PAPPA2: variants seen among roughly 807,000 people sequenced by gnomAD.
The protein encoded by PAPPA2 is pappalysin 2, also known as pappalysin-2.
A neutral mutation model predicts 176.4 loss-of-function variants in PAPPA2; 86 were observed. The observed-to-expected ratio is 0.49, with a 90% CI of 0.41 to 0.58. The LOEUF is 0.58. Ranked by LOEUF, PAPPA2 falls within the 20% of genes least tolerant of loss-of-function variation. The probability of loss-of-function intolerance (pLI) is 0.00; values close to 1 mark genes in which losing one functional copy is unlikely to be tolerated. For synonymous variants in PAPPA2, 809 were observed against 852.2 expected, an observed-to-expected ratio of 0.95 and a Z score of 0.88; for missense variants, 2,073 against 2,256.9, an observed-to-expected ratio of 0.92 and a Z score of 1.65.
At chr1:176,623,266 C>T (rs1290459993) in intron 3 of PAPPA2, among the ~76,000 whole-genome samples, 1 of 152,170 alleles carries the variant, frequency 6.6e-6, no homozygotes, top group Non-Finnish European at 1.5e-5. Context: ...TTCCCTTTCT[C>T]ATTCTGCTCT....
At chr1:176,697,204 G>T (rs1660427050) in intron 7 of PAPPA2, among the ~76,000 whole-genome samples, 1 of 152,060 alleles carries the variant, frequency 6.6e-6, no homozygotes, top group South Asian at 2.1e-4. Flanking sequence ...GTGTCTTAAG[G>T]CAAACCAAAT....
chr1:176,823,128 T>A (rs1666728294), intron 21 of PAPPA2, among the ~76,000 whole-genome samples: 1 of 152,208 alleles, frequency 6.6e-6, no homozygotes. Context: ...TTTTCCAGCC[T>A]CCTGAAACAT....
intron 3 of PAPPA2, among the ~76,000 whole-genome samples, chr1:176,609,300 T>G (rs1398007799): frequency 1.3e-5 from 2 of 152,244 alleles, no homozygotes; most frequent in Non-Finnish European, 2.9e-5. Flanking sequence ...GACACTGTTT[T>G]CAGCTTTGTA....
intron 1 of PAPPA2, among the ~76,000 whole-genome samples, chr1:176,497,307 G>T (rs946345564): frequency 6.6e-6 from 1 of 152,164 alleles, no homozygotes; most frequent in African/African-American, 2.4e-5. Context: ...TCTTCACAGT[G>T]TTCCTTAGTG....
chr1:176,503,749 G>A (rs1558405671), intron 1 of PAPPA2, among the ~76,000 whole-genome samples: 2 of 152,260 alleles, frequency 1.3e-5, no homozygotes, highest in Admixed American at 1.3e-4. Context: ...CAGAGGATTG[G>A]CTCTTGCCAT....
intron 4 of PAPPA2, among the ~76,000 whole-genome samples, chr1:176,687,744 CT>C (rs570411577): frequency 4.3e-4 from 63 of 148,148 alleles, no homozygotes; most frequent in African/African-American, 1.1e-3. Flanking sequence ...TTGATTGGAA[CT>C]TTTTTTTTTT....
At chr1:176,716,802 G>T (rs1005170594) in intron 12 of PAPPA2, among the ~76,000 whole-genome samples, 1 of 151,386 alleles carries the variant, frequency 6.6e-6, no homozygotes, top group Non-Finnish European at 1.5e-5. Context: ...TAGTAGAGAC[G>T]GGGTTTCACC....
chr1:176,642,706 G>A (rs1657166669), intron 3 of PAPPA2, among the ~76,000 whole-genome samples: 1 of 151,954 alleles, frequency 6.6e-6, no homozygotes, highest in Admixed American at 6.6e-5. Flanking sequence ...GCTAAAATAA[G>A]TAAGCATCAG....
intron 4 of PAPPA2, among the ~76,000 whole-genome samples, chr1:176,677,812 T>G (rs1465036191): frequency 6.6e-6 from 1 of 152,154 alleles, no homozygotes; most frequent in South Asian, 2.1e-4. Context: ...TCATTGTCAT[T>G]GATTCATTCA....
chr1:176,786,031 G>T lies in PAPPA2; in HGVS notation c.4716-3778G>T, dbSNP rs73048154. ...GGTATTGCCTGCTTTCTCCAGCTGG[G>T]GGATATCAGTTCAGCAGAGGTAGGG... On this transcript the variant is annotated intron_variant, in intron 17 of 22. Coordinates refer to ENST00000367662, the MANE Select transcript of PAPPA2 (RefSeq NM_020318.3). Among the ~76,000 whole-genome samples the T allele has an allele frequency of 5.0e-3, 754 of 152,204 alleles. 10 individuals are homozygous for T. The highest frequency in any genetic ancestry group is 0.017 in the Middle Eastern group (5 of 294).
chr1:176,625,946 C>A (rs1265566799), intron 3 of PAPPA2, among the ~76,000 whole-genome samples: 2 of 152,054 alleles, frequency 1.3e-5, no homozygotes, highest in Non-Finnish European at 2.9e-5. Flanking sequence ...TCACTTGAGT[C>A]TAGGAGGTGG....
At chr1:176,584,860 G>A (rs12140350) in intron 2 of PAPPA2, among the ~76,000 whole-genome samples, 53,401 of 151,802 alleles carry the variant, frequency 0.35, 9,926 homozygotes, top group South Asian at 0.58. Flanking sequence ...CAACCTCCTG[G>A]GTAGCTGGGA....
intron 21 of PAPPA2, among the ~76,000 whole-genome samples, chr1:176,811,460 T>G (rs918473746): frequency 7.2e-5 from 11 of 152,176 alleles, no homozygotes; most frequent in African/African-American, 2.7e-4. Context: ...TTGCCAAGTT[T>G]TTTAGGATCT....
At chr1:176,482,026 T>C (rs1652427528) in intron 1 of PAPPA2, among the ~76,000 whole-genome samples, 1 of 152,136 alleles carries the variant, frequency 6.6e-6, no homozygotes, top group Non-Finnish European at 1.5e-5. Context: ...ATAGATGCAT[T>C]TAAAAGGTTC....
chr1:176,807,910 A>G (rs1201789960), intron 21 of PAPPA2, among the ~76,000 whole-genome samples: 1 of 152,194 alleles, frequency 6.6e-6, no homozygotes, highest in Non-Finnish European at 1.5e-5. Flanking sequence ...GAAAGAATCA[A>G]TGAGTCCTAT....
intron 14 of PAPPA2, among the ~76,000 whole-genome samples, chr1:176,756,402 T>C (rs1571279153): frequency 6.6e-6 from 1 of 152,204 alleles, no homozygotes; most frequent in African/African-American, 2.4e-5. Context: ...AATATGTATG[T>C]AGGCGGACTG....
intron 3 of PAPPA2, among the ~76,000 whole-genome samples, chr1:176,651,044 C>T (rs1657692417): frequency 1.3e-5 from 2 of 151,664 alleles, no homozygotes; most frequent in South Asian, 2.1e-4. Flanking sequence ...TATGTTGTCT[C>T]AATTCACAAA....
At chr1:176,623,610 C>CTTA (rs1558479000) in intron 3 of PAPPA2, among the ~76,000 whole-genome samples, 194 of 95,610 alleles carry the variant, frequency 2.0e-3, no homozygotes, top group Non-Finnish European at 3.2e-3. Flanking sequence ...TTCCTTCCTT[C>CTTA]CTTCCTTCCT....
chr1:176,613,681 C>T (rs538316941), intron 3 of PAPPA2, among the ~76,000 whole-genome samples: 13 of 152,070 alleles, frequency 8.5e-5, no homozygotes, highest in Non-Finnish European at 1.6e-4. Flanking sequence ...GGTTTATCAT[C>T]GTATTTTTCA....
Sources: allele counts gnomAD v4.1 joint callset (sites outside exome capture counted in the v4.1 genomes callset), GRCh38; gene constraint gnomAD v4.1.1; transcripts MANE v1.5; gene names NCBI Gene and HGNC (gene_info 2026-07-23, HGNC 2026-07-21).